The following ERC2 variants were observed in gnomAD, a reference collection of about 807,000 sequenced individuals.
The protein encoded by ERC2 is ERC protein 2.
Under a neutral mutation model 114.8 loss-of-function variants are expected in ERC2, and 42 were observed. That is an observed-to-expected ratio of 0.37 (90% CI 0.29 to 0.47). The LOEUF (loss-of-function observed/expected upper bound fraction) is 0.47. ERC2 is among the 20% of genes least tolerant of loss of function. The probability of loss-of-function intolerance (pLI) is 0.99; values close to 1 mark genes in which losing one functional copy is unlikely to be tolerated. For synonymous variants in ERC2, 454 were observed against 425.5 expected (o/e 1.07, Z -0.82); for missense variants, 939 against 1,150.7 (o/e 0.82, Z 2.66).
intron 17 of ERC2, among the ~76,000 whole-genome samples, chr3:55,583,165 C>A (rs1196031798): frequency 6.6e-6 from 1 of 152,154 alleles, no homozygotes; most frequent in African/African-American, 2.4e-5. Context: ...GGACTTGGAT[C>A]ATTTACTCGA....
intron 2 of ERC2, among the ~76,000 whole-genome samples, chr3:56,348,149 C>T (rs1221637006): frequency 6.6e-6 from 1 of 152,178 alleles, no homozygotes; most frequent in Non-Finnish European, 1.5e-5. Flanking sequence ...GCTTCTCCTT[C>T]CCTTCTGTCT....
intron 3 of ERC2, among the ~76,000 whole-genome samples, chr3:56,206,395 C>T (rs1362676434): frequency 1.3e-5 from 2 of 152,124 alleles, no homozygotes; most frequent in Non-Finnish European, 2.9e-5. Flanking sequence ...CATAAGTCAA[C>T]ATATGAAAAG....
chr3:56,460,839 G>A (rs866462897), intron 1 of ERC2, among the ~76,000 whole-genome samples: 16 of 151,954 alleles, frequency 1.1e-4, no homozygotes, highest in Admixed American at 9.2e-4. Flanking sequence ...GCAACATGGC[G>A]GCCTAGCGTG....
At chr3:55,831,527 G>T (rs533174448) in intron 14 of ERC2, among the ~76,000 whole-genome samples, 5 of 152,090 alleles carry the variant, frequency 3.3e-5, no homozygotes, top group East Asian at 1.9e-4. Context: ...ATTAAAGGAG[G>T]CAGGGGAAAA....
intron 13 of ERC2, among the ~76,000 whole-genome samples, chr3:55,909,687 C>G (rs1019342854): frequency 2.6e-5 from 4 of 152,112 alleles, no homozygotes; most frequent in Non-Finnish European, 5.9e-5. Context: ...GGCAGCCACC[C>G]TGGGACAAAG....
chr3:56,164,986 G>A (rs935181917), intron 4 of ERC2, among the ~76,000 whole-genome samples: 26 of 151,912 alleles, frequency 1.7e-4, no homozygotes, highest in Admixed American at 1.4e-3. Context: ...TTAAAGAAAC[G>A]TTTTAATTAA....
At chr3:56,024,880 T>C (rs2073948243) in intron 7 of ERC2, among the ~76,000 whole-genome samples, 1 of 152,232 alleles carries the variant, frequency 6.6e-6, no homozygotes, top group Non-Finnish European at 1.5e-5. Context: ...CAACTCTTTG[T>C]TACCAGTCTT....
chr3:56,048,690 T>C (rs1372062671), intron 7 of ERC2, among the ~76,000 whole-genome samples: 1 of 152,222 alleles, frequency 6.6e-6, no homozygotes, highest in Non-Finnish European at 1.5e-5. Context: ...TGAGCTAATA[T>C]TTGTTTAATT....
intron 17 of ERC2, among the ~76,000 whole-genome samples, chr3:55,565,127 G>T (rs1279129768): frequency 6.6e-6 from 1 of 152,116 alleles, no homozygotes; most frequent in African/African-American, 2.4e-5. Context: ...CCATCACCCA[G>T]ACATGGACTG....
At chr3:55,672,638 G>A (rs1247959001) in intron 17 of ERC2, among the ~76,000 whole-genome samples, 1 of 152,212 alleles carries the variant, frequency 6.6e-6, no homozygotes, top group Non-Finnish European at 1.5e-5. Flanking sequence ...GAGTGAGACA[G>A]AAGTAGAAGA....
At chr3:55,514,938 C>T (rs188972104) in intron 17 of ERC2, among the ~76,000 whole-genome samples, 5 of 152,304 alleles carry the variant, frequency 3.3e-5, no homozygotes, top group East Asian at 3.9e-4. Context: ...TGCAGCACCA[C>T]GCTGGGTCAG....
At chr3:55,956,900 T>C (rs1005015215) in intron 12 of ERC2, among the ~76,000 whole-genome samples, 4 of 151,712 alleles carry the variant, frequency 2.6e-5, no homozygotes, top group Non-Finnish European at 4.4e-5. Flanking sequence ...TCCCCTGAGG[T>C]GAGTACCATC....
At position 55,726,636 on chromosome 3, in the gene ERC2, G is replaced by C. The variant is rs76760689; in HGVS notation, c.2712+8135C>G. ...CCTTGTAGACTAATCCTTGTAGACAGTCCTATGATTTTCGGACAACACAGG... is the reference window on the plus strand; with the variant it reads ...CCTTGTAGACTAATCCTTGTAGACACTCCTATGATTTTCGGACAACACAGG... On this transcript the variant is annotated intron_variant, in intron 15 of 17. Transcript: ENST00000288221. Among the ~76,000 whole-genome samples, 18 of 152,296 alleles carry C rather than the reference G, an allele frequency of 1.2e-4. No individual in the cohort carries two copies. The East Asian group carries it at 3.5e-3, about 29-fold the overall frequency.
chr3:55,881,613 C>G (rs1576000326), intron 14 of ERC2, among the ~76,000 whole-genome samples: 1 of 152,086 alleles, frequency 6.6e-6, no homozygotes, highest in African/African-American at 2.4e-5. Context: ...CAAATGCACA[C>G]AGATTTTTAA....
chr3:56,429,714 C>A (rs974327172), intron 2 of ERC2, among the ~76,000 whole-genome samples: 2 of 152,140 alleles, frequency 1.3e-5, no homozygotes, highest in African/African-American at 4.8e-5. Flanking sequence ...TTGGAGGGAA[C>A]TGGGTGGAGG....
At chr3:55,890,653 G>A (rs143222735) in intron 13 of ERC2, among the ~76,000 whole-genome samples, 42 of 152,300 alleles carry the variant, frequency 2.8e-4, no homozygotes, top group African/African-American at 9.9e-4. Context: ...GAAGCACATG[G>A]AGAAACTGGG....
chr3:55,689,604 G>T (rs763462959), intron 16 of ERC2, among the ~76,000 whole-genome samples: 1 of 152,032 alleles, frequency 6.6e-6, no homozygotes, highest in East Asian at 1.9e-4. Context: ...ACATGACTCT[G>T]GTTCTGCCAT....
chr3:55,820,718 T>C (rs1275227371), intron 14 of ERC2, among the ~76,000 whole-genome samples: 3 of 152,202 alleles, frequency 2.0e-5, no homozygotes, highest in Admixed American at 6.5e-5. Context: ...GATAGGTCAC[T>C]ACTCTGGGTG....
chr3:56,080,859 C>G lies in ERC2; in HGVS notation c.1599G>C (p.Met533Ile). Residue 533 changes from methionine to isoleucine, a missense_variant, in exon 7 of 18, where the codon ATG (methionine) becomes ATC (isoleucine). Physicochemically the swap from Met to Ile is conservative, Grantham distance 10. This residue lies in a region of ERC2 where 149 missense variants were observed against 254.6 expected (regional missense o/e 0.59). Transcript: ENST00000288221. ...TGATTTTTCTTTCCTTCACTTCTAA[C>G]ATATCTTTCATGTCACGAATTTCAC... Reference protein sequence around the residue: ...LAGEIRDMKDMLEVKERKINV... With the variant: ...LAGEIRDMKDILEVKERKINV... 6.2e-7 allele frequency: 1 copy of G among 1,613,742 alleles called. No individual in the cohort carries two copies. The highest frequency in any genetic ancestry group is 8.5e-7 in the Non-Finnish European group (1 of 1,179,742).
Sources: gnomAD v4.1 joint callset for allele counts (sites outside exome capture counted in the v4.1 genomes callset) on GRCh38, gnomAD v4.1.1 for gene constraint, gnomAD v4.1.1 regional missense constraint, MANE v1.5 for transcripts, NCBI Gene and HGNC (gene_info 2026-07-23, HGNC 2026-07-21) for gene names.